CFAP20DC: variants seen among roughly 807,000 people sequenced by gnomAD.
CFAP20DC encodes protein CFAP20DC.
Under a neutral mutation model 101.7 loss-of-function variants are expected in CFAP20DC, and 84 were observed. The observed-to-expected ratio is 0.83, with a 90% CI of 0.69 to 0.99. The LOEUF (loss-of-function observed/expected upper bound fraction) is 0.99, where lower values mean the gene tolerates loss of function less well. Ranked by LOEUF, CFAP20DC falls within the 50% of genes least tolerant of loss-of-function variation. The pLI is 0.00. For synonymous variants in CFAP20DC, 359 were observed against 351.2 expected (o/e 1.02, Z -0.25); for missense variants, 1,007 against 970.3 (o/e 1.04, Z -0.50).
At position 58,742,672 on chromosome 3, in the gene CFAP20DC, T is replaced by A. The variant is rs114365387; in HGVS notation, c.2333-100A>T. 1.2e-4 allele frequency: 86 copies of A among 742,770 alleles called. No homozygotes were observed. The African/African-American group carries it at 1.5e-3, about 13-fold the overall frequency. 46.0% of individuals were successfully genotyped at this position (742,770 alleles called of 1,614,324 possible). A position where few individuals can be genotyped will look rare whatever the true frequency, so the allele number is the denominator to read the frequency against. Reference sequence around the variant, plus strand: ...GGAATCACCATCTCTCCTGGGGGATTTTCTTTATGCAGGTAGAAGGTTTAG... The same window carrying A: ...GGAATCACCATCTCTCCTGGGGGATATTCTTTATGCAGGTAGAAGGTTTAG... On this transcript the variant is annotated intron_variant, in intron 16 of 16. Transcript: ENST00000482387.
In CFAP20DC at chr3:58,862,650, C is replaced by G. The variant is rs1007251919; in HGVS notation, c.1593+908G>C. On this transcript the variant is annotated intron_variant, in intron 12 of 16. Coordinates refer to ENST00000482387, the MANE Select transcript of CFAP20DC (RefSeq NM_001394063.1). ...TGGACTTAATCTGTGCCTCACTGTC[C>G]AAAAAGGATTCTTAATCAGTTACGT... is the stretch of plus-strand genomic sequence containing the variant. 3 of 984,574 alleles carry G rather than the reference C, an allele frequency of 3.0e-6. No individual in the cohort carries two copies. In the African/African-American group the frequency reaches 5.2e-5, roughly 17 times the overall value. The allele number at this position is 984,574 out of a possible 1,614,324, so 61.0% of individuals were successfully genotyped here.
At chr3:58,821,785 C>T (rs1381053373) in intron 14 of CFAP20DC, among the ~76,000 whole-genome samples, 1 of 145,466 alleles carries the variant, frequency 6.9e-6, no homozygotes, top group African/African-American at 2.6e-5. Flanking sequence ...CCCAGCCATC[C>T]CATTACTGGG....
At chr3:58,931,216 G>A (rs1302360397) in intron 5 of CFAP20DC, among the ~76,000 whole-genome samples, 1 of 152,156 alleles carries the variant, frequency 6.6e-6, no homozygotes, top group Non-Finnish European at 1.5e-5. Flanking sequence ...GCGAGGCTGG[G>A]GGAGGGGTGC....
intron 5 of CFAP20DC, among the ~76,000 whole-genome samples, chr3:58,934,771 C>T (rs944697015): frequency 5.3e-5 from 8 of 152,154 alleles, no homozygotes; most frequent in Admixed American, 1.3e-4. Context: ...TGGGACATAT[C>T]TGAAAATAAT....
chr3:58,735,606 T>C (rs544062927), intron 3 of CFAP20DC, among the ~76,000 whole-genome samples: 2 of 152,304 alleles, frequency 1.3e-5, no homozygotes, highest in East Asian at 3.9e-4. Context: ...TTAGGATCAC[T>C]TGGGGGAGCT....
chr3:58,986,747 A>G (rs1159952198), intron 4 of CFAP20DC, among the ~76,000 whole-genome samples: 1 of 152,224 alleles, frequency 6.6e-6, no homozygotes, highest in East Asian at 1.9e-4. Flanking sequence ...CCTTTGAATA[A>G]AATGCAAAGC....
At position 58,929,466 on chromosome 3, in the gene CFAP20DC, C is replaced by A. The variant is rs192529599; in HGVS notation, c.393+8182G>T. 5.0e-3 allele frequency among the ~76,000 whole-genome samples: 762 copies of A among 152,302 alleles called. 14 individuals carry two copies. The highest frequency in any genetic ancestry group is 6.7e-3 in the Non-Finnish European group (459 of 68,032). On this transcript the variant is annotated intron_variant, in intron 5 of 16. Transcript: ENST00000482387. ...AAGAATCTTACATGAATAAGGAAAT[C>A]AATACCTAAACATAAAATGATGAAT...
At chr3:58,999,557 C>T (rs1485991348) in intron 4 of CFAP20DC, among the ~76,000 whole-genome samples, 1 of 152,014 alleles carries the variant, frequency 6.6e-6, no homozygotes, top group Non-Finnish European at 1.5e-5. Context: ...GGTATCCAGG[C>T]CTGGAGTTAT....
chr3:58,757,711 G>C (rs1462245627), intron 15 of CFAP20DC, among the ~76,000 whole-genome samples: 1 of 151,928 alleles, frequency 6.6e-6, no homozygotes. Flanking sequence ...CTGGTATATG[G>C]TGTGAGTTTG....
At chr3:58,748,553 A>T (rs1045170753) in intron 16 of CFAP20DC, among the ~76,000 whole-genome samples, 1 of 152,112 alleles carries the variant, frequency 6.6e-6, no homozygotes, top group Non-Finnish European at 1.5e-5. Flanking sequence ...CCTGAGAGCT[A>T]TGTAAGAGAA....
At chr3:58,856,894 C>A (rs762110847) in intron 12 of CFAP20DC, among the ~76,000 whole-genome samples, 28 of 152,128 alleles carry the variant, frequency 1.8e-4, no homozygotes, top group South Asian at 6.2e-4. Flanking sequence ...TTGTCATACA[C>A]AATTGGCAGT....
At chr3:58,963,660 T>G (rs567542014) in intron 4 of CFAP20DC, among the ~76,000 whole-genome samples, 1 of 152,278 alleles carries the variant, frequency 6.6e-6, no homozygotes, top group South Asian at 2.1e-4. Flanking sequence ...ACTTTCATTA[T>G]TCATAAAAAG....
intron 15 of CFAP20DC, among the ~76,000 whole-genome samples, chr3:58,801,073 G>A (rs1309395787): frequency 1.3e-5 from 2 of 151,708 alleles, no homozygotes; most frequent in East Asian, 1.9e-4. Context: ...GAGAGAGAGA[G>A]AAAGTGAGAG....
At chr3:58,948,826 C>T (rs1273146888) in intron 4 of CFAP20DC, among the ~76,000 whole-genome samples, 5 of 152,196 alleles carry the variant, frequency 3.3e-5, no homozygotes, top group Admixed American at 1.3e-4. Flanking sequence ...GGAGGATTCC[C>T]TCTTTTTCTA....
downstream of CFAP20DC, among the ~76,000 whole-genome samples, chr3:58,741,161 G>A (rs571854714): frequency 2.0e-5 from 3 of 152,152 alleles, no homozygotes; most frequent in South Asian, 6.2e-4. Context: ...ATTTCCAATG[G>A]TACTCTTCTT....
At chr3:58,871,806 G>A (rs1323061011) in intron 7 of CFAP20DC, among the ~76,000 whole-genome samples, 2 of 152,120 alleles carry the variant, frequency 1.3e-5, no homozygotes, top group Non-Finnish European at 2.9e-5. Context: ...GGGATTATGG[G>A]TGTGAGCCAC....
intron 14 of CFAP20DC, among the ~76,000 whole-genome samples, chr3:58,815,271 T>G (rs1455630423): frequency 1.3e-5 from 2 of 150,834 alleles, no homozygotes; most frequent in Non-Finnish European, 1.5e-5. Flanking sequence ...GATTCCCTAT[T>G]TAATAAATGG....
At chr3:59,046,625 C>A (rs1699884259) in intron 2 of CFAP20DC, among the ~76,000 whole-genome samples, 1 of 151,968 alleles carries the variant, frequency 6.6e-6, no homozygotes, top group South Asian at 2.1e-4. Context: ...TTAATTAAAT[C>A]AATAAATAAA....
At chr3:58,935,898 G>A (rs1477950152) in intron 5 of CFAP20DC, among the ~76,000 whole-genome samples, 2 of 152,016 alleles carry the variant, frequency 1.3e-5, no homozygotes, top group Admixed American at 1.3e-4. Context: ...AAAAGCAATG[G>A]CAACAAAAGC....
Sources: allele counts gnomAD v4.1 joint callset (sites outside exome capture counted in the v4.1 genomes callset), GRCh38; gene constraint gnomAD v4.1.1; transcripts MANE v1.5; gene names NCBI Gene and HGNC (gene_info 2026-07-23, HGNC 2026-07-21).